Variants in RETREG1 observed in about 807,000 individuals in gnomAD.
The protein encoded by RETREG1 is reticulophagy regulator 1.
In RETREG1, 44 loss-of-function variants were observed where a neutral mutation model predicts 54.8. The observed-to-expected ratio is 0.80, with a 90% CI of 0.63 to 1.03. The LOEUF (loss-of-function observed/expected upper bound fraction) is 1.03, where lower values mean the gene tolerates loss of function less well. Among genes scored for constraint, RETREG1 ranks in the 50% least tolerant of loss-of-function variants. The pLI is 0.00. For missense variants in RETREG1, 554 were observed against 605.1 expected (o/e 0.92, Z 0.89); for synonymous variants, 217 against 238.5 (o/e 0.91, Z 0.83).
At chr5:16,534,044 T>G (rs1740987238) in intron 3 of RETREG1, among the ~76,000 whole-genome samples, 1 of 151,626 alleles carries the variant, frequency 6.6e-6, no homozygotes, top group Non-Finnish European at 1.5e-5. Context: ...CACAGACTTA[T>G]AAGTCGGAAA....
At chr5:16,501,771 C>G (rs1333539314) in intron 3 of RETREG1, among the ~76,000 whole-genome samples, 1 of 151,936 alleles carries the variant, frequency 6.6e-6, no homozygotes, top group Non-Finnish European at 1.5e-5. Context: ...TTTTGAACTC[C>G]TGACCTCAAA....
intron 3 of RETREG1, among the ~76,000 whole-genome samples, chr5:16,541,789 GAAGGAAGGA>G (rs1398015683): frequency 2.1e-5 from 3 of 144,554 alleles, no homozygotes; most frequent in East Asian, 4.0e-4. Flanking sequence ...AGGAAGGAAG[GAAGGAAGGA>G]AAGGAAGGAA....
At position 16,474,786 on chromosome 5, in the gene RETREG1, A is replaced by T. The variant is rs960134951; in HGVS notation, c.1449T>A (p.Asn483Lys). ...TQDQEAEAQQ[N>K]KKSSGFLSNL... ...TTGAAAGGAAACCTGAAGACTTCTT[A>T]TTTTGCTGTGCTTCTGCTTCCTGGT... is the stretch of plus-strand genomic sequence containing the variant. The change falls in exon 9 of 9, where the codon AAT becomes AAA. Residue 483 changes from asparagine (N) to lysine (K), a missense_variant. Physicochemically the swap from Asn to Lys is moderately conservative, Grantham distance 94. This residue lies in a region of RETREG1 where 30 missense variants were observed against 32.4 expected (regional missense o/e 0.93). Transcript: ENST00000306320. 1 of 1,608,570 alleles carries T rather than the reference A, an allele frequency of 6.2e-7. No individual in the cohort carries two copies.
chr5:16,546,211 A>G (rs1298699442), intron 3 of RETREG1, among the ~76,000 whole-genome samples: 1 of 152,012 alleles, frequency 6.6e-6, no homozygotes, highest in East Asian at 1.9e-4. Flanking sequence ...TCTGTTGCCT[A>G]GGCTGGAGTA....
At position 16,513,092 on chromosome 5, in the gene RETREG1, G is replaced by A. The variant is rs117295761; in HGVS notation, c.459-29620C>T. ...TTGTTTGGAGCAGATTGGTTCAGAAGTCATGACAGAAATAGGGCTGGGTCT... is the reference window on the plus strand; with the variant it reads ...TTGTTTGGAGCAGATTGGTTCAGAAATCATGACAGAAATAGGGCTGGGTCT... On this transcript the variant is annotated intron_variant, in intron 3 of 8. Transcript: ENST00000306320. 3.0e-4 allele frequency among the ~76,000 whole-genome samples: 46 copies of A among 152,304 alleles called. 1 individual carries two copies. The East Asian group carries it at 8.3e-3, about 27-fold the overall frequency.
chr5:16,567,033 T>C lies in RETREG1; in HGVS notation c.428-1240A>G, dbSNP rs1035256349. ...GGTATAGGATGGGCATTGGCTTGTT[T>C]GTTTTATTATTAAAAAGTAAAGAAA... is the stretch of plus-strand genomic sequence containing the variant. On this transcript the variant is annotated intron_variant, in intron 2 of 8. Coordinates refer to ENST00000306320, the MANE Select transcript of RETREG1 (RefSeq NM_001034850.3). 9.6e-4 allele frequency among the ~76,000 whole-genome samples: 147 copies of C among 152,344 alleles called. 1 individual carries two copies. The highest frequency in any genetic ancestry group is 3.3e-3 in the African/African-American group (138 of 41,582).
At chr5:16,608,272 C>T (rs1310913087) in intron 1 of RETREG1, among the ~76,000 whole-genome samples, 1 of 152,100 alleles carries the variant, frequency 6.6e-6, no homozygotes. Context: ...TTAACATCTA[C>T]AGTGTTTCAG....
chr5:16,516,951 G>GAA (rs11286663), intron 3 of RETREG1, among the ~76,000 whole-genome samples: 8 of 150,968 alleles, frequency 5.3e-5, no homozygotes, highest in African/African-American at 1.7e-4. Context: ...AAAAGTAAAT[G>GAA]AAAAAAAAAA....
intron 1 of RETREG1, among the ~76,000 whole-genome samples, chr5:16,581,238 C>A (rs1256639517): frequency 6.6e-6 from 1 of 152,164 alleles, no homozygotes; most frequent in Non-Finnish European, 1.5e-5. Flanking sequence ...CAGTCGGAGG[C>A]AGGACTGCAC....
chr5:16,572,629 C>T (rs534386956), intron 1 of RETREG1, among the ~76,000 whole-genome samples: 4 of 152,292 alleles, frequency 2.6e-5, no homozygotes, highest in African/African-American at 9.6e-5. Flanking sequence ...GCTTTCTGCT[C>T]TACCCTCCAA....
At chr5:16,573,180 CAAAAAAAAAAAAAAAAA>C (rs11303408) in intron 1 of RETREG1, among the ~76,000 whole-genome samples, 2 of 45,144 alleles carry the variant, frequency 4.4e-5, no homozygotes, top group East Asian at 1.1e-3. Context: ...GATTCTGTCT[CAAAAAAAAAAAAAAAAA>C]AAAAAAAAAA....
intron 4 of RETREG1, chr5:16,483,012 T>G: frequency 3.9e-6 from 1 of 257,486 alleles, no homozygotes; most frequent in South Asian, 5.2e-5. Context: ...TCCCTTTGAC[T>G]TCAGCACCAG....
Position 16,512,582 on chromosome 5 carries a change from G to GT in RETREG1, c.459-29111dup, listed in dbSNP as rs1398628308. ...CCCCTTCACATAACCATCAGTCCGA[G>GT]TTTTTTTTTTTCTATCTCCTCTACA... On this transcript the variant is annotated intron_variant, in intron 3 of 8. Transcript: ENST00000306320. Among the ~76,000 whole-genome samples, 96 of 147,128 alleles carry GT rather than the reference G, an allele frequency of 6.5e-4. 1 individual carries two copies. The highest frequency in any genetic ancestry group is 3.6e-3 in the Middle Eastern group (1 of 280).
At chr5:16,601,060 A>G (rs1743038713) in intron 1 of RETREG1, among the ~76,000 whole-genome samples, 1 of 152,224 alleles carries the variant, frequency 6.6e-6, no homozygotes, top group South Asian at 2.1e-4. Flanking sequence ...TTGACCAGTA[A>G]GATCTCCAGA....
intron 3 of RETREG1, among the ~76,000 whole-genome samples, chr5:16,564,823 A>G (rs1326127090): frequency 1.3e-5 from 2 of 152,222 alleles, no homozygotes; most frequent in Admixed American, 6.5e-5. Context: ...CAGATCATGA[A>G]ATTAACCTTT....
chr5:16,554,901 G>A (rs903028592), intron 3 of RETREG1, among the ~76,000 whole-genome samples: 8 of 152,156 alleles, frequency 5.3e-5, no homozygotes, highest in East Asian at 3.9e-4. Context: ...TGTTCCTGCC[G>A]CCTAAAAGCT....
intron 3 of RETREG1, among the ~76,000 whole-genome samples, chr5:16,485,456 A>G (rs1298417441): frequency 6.6e-6 from 1 of 152,246 alleles, no homozygotes; most frequent in African/African-American, 2.4e-5. Context: ...GGCATGAACC[A>G]CTGCGCGAGG....
intron 3 of RETREG1, among the ~76,000 whole-genome samples, chr5:16,555,625 G>C (rs1741684906): frequency 6.6e-6 from 1 of 152,200 alleles, no homozygotes; most frequent in African/African-American, 2.4e-5. Flanking sequence ...TCTAGGTGAT[G>C]AGTCTCTAAG....
intron 1 of RETREG1, among the ~76,000 whole-genome samples, chr5:16,613,554 T>C (rs1743410046): frequency 6.6e-6 from 1 of 152,212 alleles, no homozygotes; most frequent in Non-Finnish European, 1.5e-5. Flanking sequence ...TTGCAGATAA[T>C]GGGCAGGTAA....
Sources: gnomAD v4.1 joint callset for allele counts (sites outside exome capture counted in the v4.1 genomes callset) on GRCh38, gnomAD v4.1.1 for gene constraint, gnomAD v4.1.1 regional missense constraint, MANE v1.5 for transcripts, NCBI Gene and HGNC (gene_info 2026-07-23, HGNC 2026-07-21) for gene names.